METTL15: variants seen among roughly 807,000 people sequenced by gnomAD.
The protein encoded by METTL15 is methyltransferase 15, mitochondrial 12S rRNA N4-cytidine.
METTL15 carries 34 observed loss-of-function variants against 38.3 expected under a neutral mutation model. That is an observed-to-expected ratio of 0.89 (90% confidence interval 0.68 to 1.18). The LOEUF is 1.18. Among genes scored for constraint, METTL15 ranks in the 50% most tolerant of loss-of-function variants. The pLI, the probability that METTL15 is intolerant of heterozygous loss-of-function variation, is 0.00. For synonymous variants in METTL15, 162 were observed against 170.9 expected, an observed-to-expected ratio of 0.95 and a Z score of 0.41; for missense variants, 438 against 498.4, an observed-to-expected ratio of 0.88 and a Z score of 1.15.
intron 3 of METTL15, among the ~76,000 whole-genome samples, chr11:28,344,807 T>C (rs1725451409): frequency 6.6e-6 from 1 of 152,224 alleles, no homozygotes; most frequent in South Asian, 2.1e-4. Context: ...TAGTGCTGTC[T>C]AATATAAATA....
chr11:28,452,287 G>T (rs185158473), intron 6 of METTL15, among the ~76,000 whole-genome samples: 31 of 152,130 alleles, frequency 2.0e-4, no homozygotes, highest in African/African-American at 7.5e-4. Context: ...ATCATTTACT[G>T]CATTCTTCAG....
intron 3 of METTL15, among the ~76,000 whole-genome samples, chr11:28,151,957 A>G (rs1163970711): frequency 6.6e-6 from 1 of 152,064 alleles, no homozygotes; most frequent in Non-Finnish European, 1.5e-5. Context: ...AGATTTCAAT[A>G]ATCAAATATA....
chr11:28,443,241 CCCTTTGTGATT>C (rs1851049660), intron 6 of METTL15, among the ~76,000 whole-genome samples: 1 of 151,844 alleles, frequency 6.6e-6, no homozygotes, highest in Admixed American at 6.5e-5. Flanking sequence ...ACTGATCATT[CCCTTTGTGATT>C]CCATACCTTG....
At chr11:28,305,674 C>G (rs533885390) in intron 6 of METTL15, among the ~76,000 whole-genome samples, 2 of 152,216 alleles carry the variant, frequency 1.3e-5, no homozygotes, top group Middle Eastern at 3.4e-3. Context: ...ATGTCCCATA[C>G]TCCCAGCACT....
At chr11:28,429,433 T>C (rs1004544251) in intron 6 of METTL15, among the ~76,000 whole-genome samples, 1 of 118,210 alleles carries the variant, frequency 8.5e-6, no homozygotes, top group African/African-American at 3.2e-5. Context: ...AGCTGGACTG[T>C]ACTGCTGCCA....
chr11:28,316,244 A>G (rs1325275472), intron 6 of METTL15, among the ~76,000 whole-genome samples: 1 of 152,240 alleles, frequency 6.6e-6, no homozygotes, highest in East Asian at 1.9e-4. Flanking sequence ...ATGAGAACCC[A>G]CCTCTTGCAT....
chr11:28,122,373 A>ATG (rs1565106867), intron 3 of METTL15, among the ~76,000 whole-genome samples: 1 of 42,494 alleles, frequency 2.4e-5, no homozygotes, highest in Non-Finnish European at 5.5e-5. Context: ...GTGTGTGTGT[A>ATG]TATATATATA....
chr11:28,258,126 G>A (rs1047889321), intron 4 of METTL15, among the ~76,000 whole-genome samples: 1 of 152,194 alleles, frequency 6.6e-6, no homozygotes, highest in African/African-American at 2.4e-5. Context: ...GTTTTTGCAG[G>A]CTTGAAGAGG....
At chr11:28,212,835 G>T (rs372570835) in intron 4 of METTL15, among the ~76,000 whole-genome samples, 1 of 152,110 alleles carries the variant, frequency 6.6e-6, no homozygotes, top group Non-Finnish European at 1.5e-5. Context: ...CTGAATTCTC[G>T]TAAGATATTG....
intron 6 of METTL15, among the ~76,000 whole-genome samples, chr11:28,426,422 T>A (rs1380555565): frequency 2.6e-5 from 4 of 152,314 alleles, no homozygotes; most frequent in African/African-American, 9.6e-5. Flanking sequence ...TGATTTATAT[T>A]CCTTTCAGTA....
chr11:28,211,312 A>G (rs1852632684), intron 4 of METTL15, 114 bp downstream of exon 4: 1 of 913,440 alleles, frequency 1.1e-6, no homozygotes, highest in South Asian at 2.7e-5. Flanking sequence ...TCCAGTAAAT[A>G]TTTTCTTCTT....
At chr11:28,125,821 C>A (rs1590763772) in intron 3 of METTL15, 2 of 152,082 alleles carry the variant, frequency 1.3e-5, no homozygotes, top group African/African-American at 4.8e-5. Flanking sequence ...TGTAAACTTA[C>A]CTTATAGTAT....
At chr11:28,410,503 A>G (rs1287726053) in intron 5 of METTL15, among the ~76,000 whole-genome samples, 3 of 152,192 alleles carry the variant, frequency 2.0e-5, no homozygotes, top group African/African-American at 7.2e-5. Flanking sequence ...TCACACCAAC[A>G]GAATAAAAAG....
intron 6 of METTL15, among the ~76,000 whole-genome samples, chr11:28,484,265 C>T (rs933211414): frequency 6.6e-6 from 1 of 152,150 alleles, no homozygotes; most frequent in Non-Finnish European, 1.5e-5. Context: ...AATCAAGGCA[C>T]AGAAGTTGAG....
chr11:28,404,152 C>A (rs1850654765), intron 5 of METTL15, among the ~76,000 whole-genome samples: 1 of 151,916 alleles, frequency 6.6e-6, no homozygotes, highest in Admixed American at 6.6e-5. Flanking sequence ...ATTAAAGATA[C>A]CTTTTGGAAG....
At chr11:28,117,784 T>G (rs1448828503) in intron 3 of METTL15, among the ~76,000 whole-genome samples, 1 of 152,176 alleles carries the variant, frequency 6.6e-6, no homozygotes, top group Non-Finnish European at 1.5e-5. Flanking sequence ...CCCTTAATCT[T>G]CAAGTAATAA....
intron 6 of METTL15, among the ~76,000 whole-genome samples, chr11:28,432,928 C>CG (rs1850945438): frequency 6.3e-5 from 1 of 15,924 alleles, no homozygotes; most frequent in Admixed American, 1.1e-3. Flanking sequence ...TTTTTTTCCA[C>CG]ATTTTTTTTT....
rs1380997004 is a variant in METTL15 at position 28,512,990 on chromosome 11, C to T, written c.*425-13488C>T. On this transcript the variant is annotated intron_variant and NMD_transcript_variant, in intron 6 of 7. Coordinates refer to the METTL15 transcript ENST00000532947. ...AGGAAGAGAAAGAGGAGGGATTGGTCCTGCTTTCTCAGGGGTGGCAGAGGA... is the reference window on the plus strand; with the variant it reads ...AGGAAGAGAAAGAGGAGGGATTGGTTCTGCTTTCTCAGGGGTGGCAGAGGA... Among the ~76,000 whole-genome samples, 4 of 152,266 alleles carry T rather than the reference C, an allele frequency of 2.6e-5. 1 individual carries two copies. Among genetic ancestry groups the T allele is most frequent in the East Asian group, 3.9e-4 (2 of 5,178 alleles).
intron 5 of METTL15, among the ~76,000 whole-genome samples, chr11:28,379,459 A>T (rs555866277): frequency 6.6e-6 from 1 of 152,150 alleles, no homozygotes; most frequent in South Asian, 2.1e-4. Context: ...TCATTTCTTC[A>T]TTGACCCATT....
Sources: gnomAD v4.1 joint callset for allele counts (sites outside exome capture counted in the v4.1 genomes callset) on GRCh38, gnomAD v4.1.1 for gene constraint, MANE v1.5 for transcripts, NCBI Gene and HGNC (gene_info 2026-07-23, HGNC 2026-07-21) for gene names.